GABRR1: variants seen among roughly 807,000 people sequenced by gnomAD.
The protein encoded by GABRR1 is gamma-aminobutyric acid receptor subunit rho-1.
Under a neutral mutation model 55.5 loss-of-function variants are expected in GABRR1, and 59 were observed. The observed-to-expected ratio is 1.06, with a 90% confidence interval of 0.86 to 1.32. The LOEUF (loss-of-function observed/expected upper bound fraction) is 1.32. Ranked by LOEUF, GABRR1 falls within the 40% of genes most tolerant of loss-of-function variation. The pLI is 0.00. For synonymous variants in GABRR1, 213 were observed against 226.0 expected, an observed-to-expected ratio of 0.94 and a Z score of 0.51; for missense variants, 602 against 619.1, an observed-to-expected ratio of 0.97 and a Z score of 0.29.
At chr6:89,206,143 C>T (rs922560155) in intron 1 of GABRR1, among the ~76,000 whole-genome samples, 4 of 152,070 alleles carry the variant, frequency 2.6e-5, no homozygotes, top group Admixed American at 6.5e-5. Context: ...GGTGTCATTA[C>T]TTAGCATATG....
chr6:89,211,748 A>G (rs1772839933), intron 1 of GABRR1, among the ~76,000 whole-genome samples: 1 of 152,094 alleles, frequency 6.6e-6, no homozygotes, highest in South Asian at 2.1e-4. Flanking sequence ...TAAGCACTTG[A>G]TAACTGTTGA....
chr6:89,195,487 T>G lies in GABRR1; in HGVS notation c.572+2533A>C, dbSNP rs187580847. Among the ~76,000 whole-genome samples, 324 of 151,924 alleles carry G rather than the reference T, an allele frequency of 2.1e-3. 1 individual carries two copies. The highest frequency in any genetic ancestry group is 3.8e-3 in the Non-Finnish European group (261 of 67,948). The stretch of plus-strand genomic sequence containing the variant: ...CCAAAAAAAAAAAAGCTCCAATTTG[T>G]CTGGCAACAGACTTCCCAATGGAAA... On this transcript the variant is annotated intron_variant, in intron 5 of 9. Coordinates refer to ENST00000454853, the MANE Select transcript of GABRR1 (RefSeq NM_002042.5).
intron 6 of GABRR1, among the ~76,000 whole-genome samples, chr6:89,189,594 T>C (rs1402540455): frequency 2.0e-5 from 3 of 146,560 alleles, no homozygotes; most frequent in African/African-American, 7.6e-5. Context: ...CGCACCAGCA[T>C]GGCACATGTA....
chr6:89,185,423 A>G lies in GABRR1; in HGVS notation c.683T>C (p.Leu228Pro). ...SYAYTEDDLMLYWKKGNDSLK... is the reference protein window; with the variant it reads ...SYAYTEDDLMPYWKKGNDSLK... ...GGAGTCATTGCCCTTTTTCCAGTAC[A>G]GCATGAGGTCATCTTCTGTATAGGC... Residue 228 changes from leucine (L) to proline (P), a missense_variant, in exon 7 of 10, where the codon CTG becomes CCG. By Grantham distance (98) the Leu-to-Pro change is moderately conservative. Coordinates refer to ENST00000454853, the MANE Select transcript of GABRR1 (RefSeq NM_002042.5). The G allele has an allele frequency of 1.9e-6, 3 of 1,613,680 alleles. No homozygotes were observed. Among genetic ancestry groups the G allele is most frequent in the African/African-American group, 1.3e-5 (1 of 75,014 alleles).
intron 5 of GABRR1, among the ~76,000 whole-genome samples, chr6:89,192,048 A>G (rs1054881346): frequency 2.7e-4 from 41 of 152,050 alleles, no homozygotes; most frequent in African/African-American, 8.9e-4. Context: ...TCGAAAAAAA[A>G]AAAAAGAAAA....
intron 2 of GABRR1, among the ~76,000 whole-genome samples, chr6:89,201,824 T>C (rs1423635580): frequency 6.6e-6 from 1 of 151,396 alleles, no homozygotes; most frequent in African/African-American, 2.4e-5. Flanking sequence ...ACCTCCGAGA[T>C]GCTGATTTGG....
Position 89,178,432 on chromosome 6 carries a change from A to G in GABRR1, c.*338T>C, listed in dbSNP as rs973445433. On this transcript the variant is annotated 3_prime_UTR_variant, in exon 10 of 10. Transcript: ENST00000454853. ...TTGAGGAAAATAAATTATTCATGTG[A>G]ATAGCATCAAGGGTCTAACGGGTGG... is the stretch of plus-strand genomic sequence containing the variant. 9.8e-5 allele frequency: 29 copies of G among 295,172 alleles called. No homozygotes were observed. Among genetic ancestry groups the G allele is most frequent in the African/African-American group, 6.3e-4 (29 of 46,160 alleles). 18.3% of individuals were successfully genotyped at this position (295,172 alleles called of 1,614,324 possible).
At chr6:89,202,823 C>G (rs1427426141) in intron 2 of GABRR1, among the ~76,000 whole-genome samples, 1 of 152,066 alleles carries the variant, frequency 6.6e-6, no homozygotes, top group African/African-American at 2.4e-5. Flanking sequence ...AAGTGATCCT[C>G]CCATCTCAAC....
chr6:89,191,553 A>G (rs1476901274), intron 5 of GABRR1, among the ~76,000 whole-genome samples: 1 of 152,210 alleles, frequency 6.6e-6, no homozygotes, highest in Non-Finnish European at 1.5e-5. Context: ...AATTACAGAC[A>G]TCACCAGAAT....
chr6:89,207,227 C>T (rs1772677871), intron 1 of GABRR1, among the ~76,000 whole-genome samples: 1 of 151,980 alleles, frequency 6.6e-6, no homozygotes, highest in Non-Finnish European at 1.5e-5. Context: ...CAGGGTCTCA[C>T]TCTGTTGTCC....
Position 89,190,148 on chromosome 6 carries a change from G to A in GABRR1, c.655+17C>T. On this transcript the variant is annotated intron_variant, in intron 6 of 9. Coordinates refer to ENST00000454853, the MANE Select transcript of GABRR1 (RefSeq NM_002042.5). ...ATCAGGAGCTGTGTGCTGATGCCCG[G>A]GGACAAGTCTACTCACAGCTTTCAA... 6.3e-7 allele frequency: 1 copy of A among 1,586,834 alleles called. No homozygotes were observed. The highest frequency in any genetic ancestry group is 8.6e-7 in the Non-Finnish European group (1 of 1,160,380).
chr6:89,220,743 G>A (rs1167713883), upstream of GABRR1, among the ~76,000 whole-genome samples: 4 of 151,386 alleles, frequency 2.6e-5, no homozygotes, highest in Admixed American at 6.6e-5. Context: ...TTTTTGAGAC[G>A]GAGTTTCGTT....
chr6:89,183,862 A>T (rs1468137187), intron 7 of GABRR1, among the ~76,000 whole-genome samples: 1 of 152,160 alleles, frequency 6.6e-6, no homozygotes, highest in Non-Finnish European at 1.5e-5. Context: ...GAGACTCGGA[A>T]GTGGAGAAGG....
At chr6:89,221,758 G>A (rs184194128), upstream of GABRR1, among the ~76,000 whole-genome samples, 602 of 152,196 alleles carry the variant, frequency 4.0e-3, 1 homozygote, top group Admixed American at 7.8e-3. Context: ...CCCTTTCCAG[G>A]TAGGGGATAA....
intron 3 of GABRR1, among the ~76,000 whole-genome samples, chr6:89,200,480 C>T (rs1772433161): frequency 6.6e-6 from 1 of 151,974 alleles, no homozygotes; most frequent in South Asian, 2.1e-4. Context: ...AACTCCTGAG[C>T]TCAGGCAATC....
At chr6:89,187,589 AGCTCCATACC>A (rs1771946971) in intron 6 of GABRR1, among the ~76,000 whole-genome samples, 1 of 152,172 alleles carries the variant, frequency 6.6e-6, no homozygotes. Context: ...CCCAAACTGA[AGCTCCATACC>A]CATTTAACAA....
chr6:89,224,599 G>T (rs976083239), intron 1 of GABRR1, among the ~76,000 whole-genome samples: 3 of 152,126 alleles, frequency 2.0e-5, no homozygotes, highest in Non-Finnish European at 2.9e-5. Context: ...AGATTGTGAA[G>T]ATTTTCTCCC....
At chr6:89,208,262 C>G (rs113685547) in intron 1 of GABRR1, among the ~76,000 whole-genome samples, 2,793 of 152,328 alleles carry the variant, frequency 0.018, 44 homozygotes, top group Middle Eastern at 0.034. Flanking sequence ...GTTACAGAGG[C>G]TGTGCATTCT....
At chr6:89,215,718 C>T (rs959512726) in intron 1 of GABRR1, among the ~76,000 whole-genome samples, 1 of 152,134 alleles carries the variant, frequency 6.6e-6, no homozygotes, top group Non-Finnish European at 1.5e-5. Flanking sequence ...GTAATGGATA[C>T]ACTAATTAGA....
Sources: gnomAD v4.1 joint callset for allele counts (sites outside exome capture counted in the v4.1 genomes callset) on GRCh38, gnomAD v4.1.1 for gene constraint, MANE v1.5 for transcripts, NCBI Gene and HGNC (gene_info 2026-07-23, HGNC 2026-07-21) for gene names.